CACNA1E: variants seen among roughly 807,000 people sequenced by gnomAD.
The protein encoded by CACNA1E is voltage-dependent R-type calcium channel subunit alpha-1E.
In CACNA1E, 40 loss-of-function variants were observed where a neutral mutation model predicts 259.2. That is an observed-to-expected ratio of 0.15 (90% CI 0.12 to 0.20). The LOEUF (loss-of-function observed/expected upper bound fraction) is 0.20, where lower values mean the gene tolerates loss of function less well. Among genes scored for constraint, CACNA1E ranks in the 10% least tolerant of loss-of-function variants. CACNA1E has a pLI of 1.00. For missense variants in CACNA1E, 1,874 were observed against 3,040.1 expected, an observed-to-expected ratio of 0.62 and a Z score of 9.02; for synonymous variants, 1,104 against 1,138.5, an observed-to-expected ratio of 0.97 and a Z score of 0.61.
rs74127864 is a variant in CACNA1E, at chr1:181,790,307, T to A, written c.5787-138T>A. ...TTCTAGTGCTTTTTTTTTTTTTTTT[T>A]AATTTCAGGACTAGCCACATGTAAG... On this transcript the variant is annotated intron_variant, in intron 43 of 47. Transcript: ENST00000367573. The A allele has an allele frequency of 0.032, 13,793 of 435,324 alleles. 27 individuals carry two copies. The highest frequency in any genetic ancestry group is 0.086 in the East Asian group (2,368 of 27,682). 27.0% of individuals were successfully genotyped at this position (435,324 alleles called of 1,614,324 possible).
At chr1:181,359,998 C>G (rs953117503) in intron 1 of CACNA1E, among the ~76,000 whole-genome samples, 1 of 152,118 alleles carries the variant, frequency 6.6e-6, no homozygotes, top group Non-Finnish European at 1.5e-5. Context: ...AGTTTTGACT[C>G]TCCCTCTCTC....
At chr1:181,656,967 C>T (rs1325959587) in intron 7 of CACNA1E, among the ~76,000 whole-genome samples, 1 of 152,174 alleles carries the variant, frequency 6.6e-6, no homozygotes, top group Non-Finnish European at 1.5e-5. Context: ...TGTAAGTACA[C>T]ATTCTGGTGT....
At chr1:181,575,648 A>C (rs1480381891) in intron 3 of CACNA1E, among the ~76,000 whole-genome samples, 3 of 152,220 alleles carry the variant, frequency 2.0e-5, no homozygotes, top group Admixed American at 2.0e-4. Context: ...CATTTCCAAC[A>C]GGGCTTTTTA....
intron 26 of CACNA1E, 110 bp from the exon 27 acceptor site, chr1:181,752,033 C>T: frequency 1.2e-6 from 1 of 815,366 alleles, no homozygotes; most frequent in South Asian, 1.4e-5. Flanking sequence ...GCCTCCATCT[C>T]TCCCATACAT....
At chr1:181,541,617 G>T (rs1026958551) in intron 3 of CACNA1E, among the ~76,000 whole-genome samples, 6 of 152,176 alleles carry the variant, frequency 3.9e-5, no homozygotes, top group African/African-American at 1.4e-4. Flanking sequence ...TGGGCAAGCC[G>T]CAGTGCTTAG....
rs114891746 is a variant in CACNA1E, at chr1:181,546,061, G to A, written c.513-31705G>A. ...ACTGGCCTGTGTTGACAGACACGCC[G>A]TGGGGAAGCAGAAGCTGCCCCGACA... On this transcript the variant is annotated intron_variant, in intron 3 of 47. Coordinates refer to ENST00000367573, the MANE Select transcript of CACNA1E (RefSeq NM_001205293.3). Among the ~76,000 whole-genome samples the A allele has an allele frequency of 1.7e-3, 260 of 152,188 alleles. 1 individual carries two copies. The highest frequency in any genetic ancestry group is 5.4e-3 in the African/African-American group (224 of 41,536).
At chr1:181,422,662 C>T (rs927625452) in intron 2 of CACNA1E, among the ~76,000 whole-genome samples, 5 of 152,192 alleles carry the variant, frequency 3.3e-5, no homozygotes, top group Admixed American at 2.0e-4. Flanking sequence ...TGGATGAGTA[C>T]AGCAACCTTT....
In CACNA1E at chr1:181,802,087, G is replaced by T. The variant is rs1443082546; in HGVS notation, c.*3253G>T. 6.6e-6 allele frequency: 1 copy of T among 152,238 alleles called. No homozygotes were observed. The highest frequency in any genetic ancestry group is 1.5e-5 in the Non-Finnish European group (1 of 68,060). 9.4% of individuals were successfully genotyped at this position (152,238 alleles called of 1,614,324 possible). A position where few individuals can be genotyped will look rare whatever the true frequency, so the allele number is the denominator to read the frequency against. Reference sequence around the variant, plus strand: ...AGAGTGCCAGCGACCTCTGGACAGGGGCAGGGCTCCAGCCAAGGTGCCCCT... The same window carrying T: ...AGAGTGCCAGCGACCTCTGGACAGGTGCAGGGCTCCAGCCAAGGTGCCCCT... On this transcript the variant is annotated 3_prime_UTR_variant, in exon 48 of 48. Coordinates refer to ENST00000367573, the MANE Select transcript of CACNA1E (RefSeq NM_001205293.3).
chr1:181,454,847 A>C (rs148692400), intron 2 of CACNA1E, among the ~76,000 whole-genome samples: 1 of 151,538 alleles, frequency 6.6e-6, no homozygotes, highest in Non-Finnish European at 1.5e-5. Context: ...CATAGCCAAG[A>C]CATGCAAAGT....
rs867413998 is a variant in CACNA1E at position 181,756,079 on chromosome 1, G to C, written c.4113G>C (p.Gly1371=). ...ALLTLFTVST[G]EGWPQVLQHS... ...TGACCCTCTTCACCGTCTCCACAGG[G>C]GAAGGATGGCCTCAGTGAGTGATTG... is the stretch of plus-strand genomic sequence containing the variant. The change falls in exon 29 of 48, where the codon GGG becomes GGC. Residue 1371 remains glycine (G), a synonymous_variant. Transcript: ENST00000367573. The C allele has an allele frequency of 1.2e-6, 2 of 1,613,146 alleles. No individual in the cohort carries two copies. The highest frequency in any genetic ancestry group is 1.7e-6 in the Non-Finnish European group (2 of 1,179,432).
chr1:181,780,906 G>T (rs977276933), intron 38 of CACNA1E, among the ~76,000 whole-genome samples: 5 of 152,212 alleles, frequency 3.3e-5, no homozygotes, highest in African/African-American at 1.2e-4. Flanking sequence ...TGTGGGTTCA[G>T]TGGAGAACAG....
At chr1:181,407,999 C>T (rs1334249547) in intron 1 of CACNA1E, among the ~76,000 whole-genome samples, 1 of 152,164 alleles carries the variant, frequency 6.6e-6, no homozygotes, top group African/African-American at 2.4e-5. Context: ...GCCAAGATAG[C>T]TCAGGGCCAG....
intron 10 of CACNA1E, 136 bp from the exon 11 acceptor site, chr1:181,716,957 T>C: frequency 1.5e-6 from 1 of 681,872 alleles, no homozygotes; most frequent in Admixed American, 2.3e-5. Context: ...GCCCGTAAGA[T>C]GGGGATTCCC....
At chr1:181,712,159 A>G (rs1653436379) in intron 8 of CACNA1E, among the ~76,000 whole-genome samples, 1 of 151,606 alleles carries the variant, frequency 6.6e-6, no homozygotes, top group Admixed American at 6.6e-5. Flanking sequence ...GAGCCACCAG[A>G]TTCAAGTTTG....
chr1:181,604,793 C>T (rs1296316292), intron 6 of CACNA1E, among the ~76,000 whole-genome samples: 1 of 151,866 alleles, frequency 6.6e-6, no homozygotes, highest in East Asian at 1.9e-4. Context: ...CCACTCTGAT[C>T]CTCATAGGGT....
At chr1:181,355,706 AAAT>A (rs1438181787) in intron 1 of CACNA1E, among the ~76,000 whole-genome samples, 1 of 152,240 alleles carries the variant, frequency 6.6e-6, no homozygotes, top group East Asian at 1.9e-4. Context: ...AATTTTAAAA[AAAT>A]ATGCAAAGGC....
chr1:181,755,224 G>A lies in CACNA1E; in HGVS notation c.3829-13G>A, dbSNP rs1471518564. On this transcript the variant is annotated splice_polypyrimidine_tract_variant and intron_variant, in intron 27 of 47. Coordinates refer to ENST00000367573, the MANE Select transcript of CACNA1E (RefSeq NM_001205293.3). ...CAGGGTTCACACAGCAGGGCTGTTT[G>A]CTCTGTCCACAGGCCGTCTTCGACT... 6.2e-7 allele frequency: 1 copy of A among 1,610,838 alleles called. No homozygotes were observed. The highest frequency in any genetic ancestry group is 1.1e-5 in the South Asian group (1 of 90,346).
chr1:181,544,957 G>A (rs1039370473), intron 3 of CACNA1E, among the ~76,000 whole-genome samples: 8 of 152,118 alleles, frequency 5.3e-5, no homozygotes, highest in Admixed American at 2.6e-4. Context: ...AAACTTCAGC[G>A]TGCATCAAAA....
chr1:181,470,591 C>G (rs1357415810), intron 2 of CACNA1E, among the ~76,000 whole-genome samples: 3 of 152,092 alleles, frequency 2.0e-5, no homozygotes, highest in Admixed American at 6.5e-5. Flanking sequence ...AGGTATATAA[C>G]CAAGGAGAGG....
Sources: gnomAD v4.1 joint callset for allele counts (sites outside exome capture counted in the v4.1 genomes callset) on GRCh38, gnomAD v4.1.1 for gene constraint, MANE v1.5 for transcripts, NCBI Gene and HGNC (gene_info 2026-07-23, HGNC 2026-07-21) for gene names.